The following GATAD2B variants were observed in gnomAD, a reference collection of about 807,000 sequenced individuals.
The protein encoded by GATAD2B is transcriptional repressor p66-beta.
A neutral mutation model predicts 64.3 loss-of-function variants in GATAD2B; 8 were observed. That is an observed-to-expected ratio of 0.12 (90% confidence interval 0.07 to 0.22). GATAD2B has a LOEUF of 0.22. Among genes scored for constraint, GATAD2B ranks in the 10% least tolerant of loss-of-function variants. The probability of loss-of-function intolerance (pLI) is 1.00; values close to 1 mark genes in which losing one functional copy is unlikely to be tolerated. For missense variants in GATAD2B, 453 were observed against 752.0 expected (o/e 0.60, Z 4.65); for synonymous variants, 281 against 271.3 (o/e 1.04, Z -0.35).
At chr1:153,850,757 C>A (rs1675858717) in intron 1 of GATAD2B, among the ~76,000 whole-genome samples, 1 of 151,916 alleles carries the variant, frequency 6.6e-6, no homozygotes, top group East Asian at 2.0e-4. Flanking sequence ...TTCGTCTCTA[C>A]TAAATAAACA....
chr1:153,812,008 A>G lies in GATAD2B; in HGVS notation c.1530+14T>C, dbSNP rs574345181. The G allele has an allele frequency of 4.6e-5, 70 of 1,528,672 alleles. No homozygotes were observed. In the South Asian group the frequency reaches 7.2e-4, roughly 16 times the overall value. 94.7% of individuals were successfully genotyped at this position (1,528,672 alleles called of 1,614,324 possible). A position where few individuals can be genotyped will look rare whatever the true frequency, so the allele number is the denominator to read the frequency against. On this transcript the variant is annotated intron_variant, in intron 9 of 10. Coordinates refer to ENST00000368655, the MANE Select transcript of GATAD2B (RefSeq NM_020699.4). ...TCTTCTAAAGAAATCAGGATCAGGC[A>G]AAAAGTTCCTTACCTGCCGAAGCGT...
chr1:153,874,705 T>A (rs1436623935), intron 1 of GATAD2B, among the ~76,000 whole-genome samples: 1 of 152,052 alleles, frequency 6.6e-6, no homozygotes, highest in Admixed American at 6.6e-5. Context: ...GTCTCCCAAG[T>A]AGCTGGGACT....
intron 1 of GATAD2B, among the ~76,000 whole-genome samples, chr1:153,833,978 CTTTT>C (rs145273439): frequency 6.7e-6 from 1 of 149,862 alleles, no homozygotes; most frequent in Non-Finnish European, 1.5e-5. Context: ...GTCTCTCTCT[CTTTT>C]TTTTTATGTT....
intron 1 of GATAD2B, among the ~76,000 whole-genome samples, chr1:153,833,008 T>C (rs1675131586): frequency 6.6e-6 from 1 of 152,172 alleles, no homozygotes; most frequent in Non-Finnish European, 1.5e-5. Flanking sequence ...TTGAAGTCAG[T>C]GATCATTTAC....
At chr1:153,872,598 CATGGTGGAGTA>C (rs1676705875) in intron 1 of GATAD2B, among the ~76,000 whole-genome samples, 3 of 151,158 alleles carry the variant, frequency 2.0e-5, no homozygotes, top group Admixed American at 2.0e-4. Context: ...TGGACCGTCT[CATGGTGGAGTA>C]TATAAACTTT....
chr1:153,922,266 C>T (rs1678468005), intron 1 of GATAD2B, among the ~76,000 whole-genome samples: 1 of 148,576 alleles, frequency 6.7e-6, no homozygotes, highest in Non-Finnish European at 1.5e-5. Context: ...ACCCTGAGGG[C>T]ACCACTGGGG....
rs1338366743 is a variant in GATAD2B at position 153,806,604 on chromosome 1, CT to C, written c.*3572del. 7.5e-6 allele frequency: 1 copy of C among 133,142 alleles called. No individual in the cohort carries two copies. Among genetic ancestry groups the C allele is most frequent in the African/African-American group, 2.8e-5 (1 of 35,322 alleles). The allele number at this position is 133,142 out of a possible 1,614,324, so 8.2% of individuals were successfully genotyped here. A position where few individuals can be genotyped will look rare whatever the true frequency, so the allele number is the denominator to read the frequency against. On this transcript the variant is annotated 3_prime_UTR_variant, in exon 11 of 11. Coordinates refer to ENST00000368655, the MANE Select transcript of GATAD2B (RefSeq NM_020699.4). Reference sequence around the variant, plus strand: ...ATCCATGGCTAGGGCTTTTTTTTCTCTTTTTCAGGTTTTTTTTTTTTTCTAC... The same window carrying C: ...ATCCATGGCTAGGGCTTTTTTTTCTCTTTTCAGGTTTTTTTTTTTTTCTAC...
intron 1 of GATAD2B, among the ~76,000 whole-genome samples, chr1:153,893,864 G>T (rs547175547): frequency 4.0e-5 from 6 of 148,638 alleles, no homozygotes; most frequent in Admixed American, 1.4e-4. Flanking sequence ...AGGCTGAGAC[G>T]GGAGAATCGC....
intron 1 of GATAD2B, among the ~76,000 whole-genome samples, chr1:153,833,687 G>A (rs1249389454): frequency 2.0e-5 from 3 of 151,702 alleles, no homozygotes; most frequent in South Asian, 2.1e-4. Flanking sequence ...GCACATGCCC[G>A]TAATCCCAGC....
At chr1:153,888,893 C>T (rs940880739) in intron 1 of GATAD2B, among the ~76,000 whole-genome samples, 3 of 152,094 alleles carry the variant, frequency 2.0e-5, no homozygotes, top group African/African-American at 7.2e-5. Context: ...TTGCTCTTAT[C>T]TTTATCCTCT....
At chr1:153,817,348 C>G in intron 6 of GATAD2B, 24 bp downstream of exon 6, 1 of 1,503,630 alleles carries the variant, frequency 6.7e-7, no homozygotes, top group Non-Finnish European at 8.9e-7. Flanking sequence ...TCTGTTTCCA[C>G]ATTAGGGCTC....
At position 153,820,962 on chromosome 1, in the gene GATAD2B, T is replaced by G. The variant is rs1044582579; in HGVS notation, c.336-1227A>C. The stretch of plus-strand genomic sequence containing the variant: ...TCAGGGTTTCTTGTCCTAGTTGCTG[T>G]TGGCACATGGAATTTTTTTTTTTTT... On this transcript the variant is annotated intron_variant, in intron 2 of 10. Coordinates refer to ENST00000368655, the MANE Select transcript of GATAD2B (RefSeq NM_020699.4). Among the ~76,000 whole-genome samples the G allele has an allele frequency of 4.1e-5, 6 of 148,050 alleles. No homozygotes were observed. The South Asian group carries it at 1.1e-3, about 26-fold the overall frequency.
At chr1:153,899,036 TTAGAC>T (rs1285744639) in intron 1 of GATAD2B, 2 of 151,644 alleles carry the variant, frequency 1.3e-5, no homozygotes, top group East Asian at 3.9e-4. Flanking sequence ...ACTTTTACAC[TTAGAC>T]TAAAAGTTGA....
chr1:153,821,400 A>ATT (rs1218395812), intron 2 of GATAD2B, among the ~76,000 whole-genome samples: 1 of 152,166 alleles, frequency 6.6e-6, no homozygotes, highest in Admixed American at 6.6e-5. Context: ...GAATAGGAGG[A>ATT]TAGAAAGGTA....
Position 153,816,324 on chromosome 1 carries a change from T to G in GATAD2B, c.1165A>C (p.Ile389Leu). 2 of 1,613,984 alleles carry G rather than the reference T, an allele frequency of 1.2e-6. No individual in the cohort carries two copies. The highest frequency in any genetic ancestry group is 1.7e-6 in the Non-Finnish European group (2 of 1,179,838). ...FLPSAANSEF[I>L]YMVGLEEVVQ... ...ACTTCTTCCAAGCCTACCATGTAGA[T>G]GAACTCGCTATTGGCTGCACTAGGC... Residue 389 changes from isoleucine (I) to leucine (L), a missense_variant, in exon 7 of 11, where the codon ATC (isoleucine) becomes CTC (leucine). Physicochemically the swap from Ile to Leu is conservative, Grantham distance 5 (BLOSUM62 2). Around this residue, in one of 2 missense-constraint regions of GATAD2B, gnomAD observed 160 missense variants for 334.7 expected, o/e 0.48. Transcript: ENST00000368655. The surrounding 1 kb of genome is among the most constrained non-coding windows in gnomAD (Gnocchi z 4.9).
intron 1 of GATAD2B, among the ~76,000 whole-genome samples, chr1:153,913,012 C>G (rs532031424): frequency 5.3e-5 from 8 of 152,050 alleles, no homozygotes; most frequent in Non-Finnish European, 8.8e-5. Flanking sequence ...TGCTTGAACC[C>G]GGGAGGTAGA....
intron 1 of GATAD2B, among the ~76,000 whole-genome samples, chr1:153,902,343 C>T (rs939593319): frequency 1.3e-5 from 2 of 152,222 alleles, no homozygotes; most frequent in African/African-American, 4.8e-5. Context: ...ATCATACTTA[C>T]AGCCAAGGTG....
intron 1 of GATAD2B, among the ~76,000 whole-genome samples, chr1:153,865,647 T>C (rs1045720895): frequency 2.0e-5 from 3 of 152,194 alleles, no homozygotes; most frequent in Non-Finnish European, 4.4e-5. Context: ...GCCATAAGAA[T>C]AACATATAAA....
chr1:153,888,407 CTAACT>C (rs1418924759), intron 1 of GATAD2B, among the ~76,000 whole-genome samples: 2 of 152,176 alleles, frequency 1.3e-5, no homozygotes, highest in South Asian at 4.1e-4. Flanking sequence ...TCCTAAATCC[CTAACT>C]TATTCTCATC....
Sources: gnomAD v4.1 joint callset for allele counts (sites outside exome capture counted in the v4.1 genomes callset) on GRCh38, gnomAD v4.1.1 for gene constraint, gnomAD v4.1.1 regional missense constraint, Gnocchi (gnomAD v3.1) non-coding constraint, MANE v1.5 for transcripts, NCBI Gene and HGNC (gene_info 2026-07-23, HGNC 2026-07-21) for gene names.